MCAT: variants seen among roughly 807,000 people sequenced by gnomAD.
The protein encoded by MCAT is malonyl-CoA-acyl carrier protein transacylase.
MCAT carries 22 observed loss-of-function variants against 22.9 expected under a neutral mutation model. The ratio of observed to expected loss-of-function variants is 0.96; its 90% CI spans 0.69 to 1.37. The LOEUF (loss-of-function observed/expected upper bound fraction) is 1.37. Ranked by LOEUF, MCAT falls within the 40% of genes most tolerant of loss-of-function variation. The probability of loss-of-function intolerance (pLI) is 0.00; values close to 1 mark genes in which losing one functional copy is unlikely to be tolerated. For synonymous variants in MCAT, 240 were observed against 233.9 expected (o/e 1.03, Z -0.24); for missense variants, 534 against 533.6 (o/e 1.00, Z -0.01).
Position 43,137,314 on chromosome 22 carries a change from C to T in MCAT, c.512-16G>A, listed in dbSNP as rs751898598. On this transcript the variant is annotated splice_polypyrimidine_tract_variant and intron_variant, in intron 2 of 3. Coordinates refer to ENST00000290429, the MANE Select transcript of MCAT (RefSeq NM_173467.5). ...GCATACAAACCTGGCCAGAGAGAAG[C>T]GCATTTGGAAAAATGAGGGCACAGA... 1.2e-5 allele frequency: 20 copies of T among 1,605,644 alleles called. No individual in the cohort carries two copies. Among genetic ancestry groups the T allele is most frequent in the Middle Eastern group, 3.6e-4 (2 of 5,536 alleles).
chr22:43,134,585 C>G (rs1930550772), intron 3 of MCAT, among the ~76,000 whole-genome samples: 1 of 152,194 alleles, frequency 6.6e-6, no homozygotes, highest in South Asian at 2.1e-4. Context: ...AGTCATCCAC[C>G]TGCTTTAGTC....
Position 43,132,763 on chromosome 22 carries a change from C to G in MCAT, c.*280G>C. The G allele has an allele frequency of 2.2e-6, 1 of 451,620 alleles. No individual in the cohort carries two copies. The highest frequency in any genetic ancestry group is 4.1e-6 in the Non-Finnish European group (1 of 246,216). The allele number at this position is 451,620 out of a possible 1,614,324, so 28.0% of individuals were successfully genotyped here. On this transcript the variant is annotated 3_prime_UTR_variant, in exon 4 of 4. Transcript: ENST00000290429. The stretch of plus-strand genomic sequence containing the variant: ...TGGCACACCTGCCTATGGTGCAGGG[C>G]TGGCAGAGGCGGGGCCAGGATTCTA...
At chr22:43,140,346 G>C (rs990698097) in intron 2 of MCAT, among the ~76,000 whole-genome samples, 3 of 151,926 alleles carry the variant, frequency 2.0e-5, no homozygotes, top group African/African-American at 7.2e-5. Flanking sequence ...AGCTAATTTT[G>C]TGTATGTGTG....
chr22:43,137,790 G>A (rs1341216485), intron 2 of MCAT, among the ~76,000 whole-genome samples: 1 of 151,566 alleles, frequency 6.6e-6, no homozygotes, highest in East Asian at 1.9e-4. Context: ...AAAAGGTAAA[G>A]AGGAACAGGG....
intron 1 of MCAT, among the ~76,000 whole-genome samples, chr22:43,142,464 G>A (rs1930795509): frequency 6.6e-6 from 1 of 151,848 alleles, no homozygotes; most frequent in African/African-American, 2.4e-5. Context: ...TCCAGCCTGG[G>A]TGACAGAGCA....
intron 3 of MCAT, 61 bp from the exon 4 acceptor site, chr22:43,133,547 A>C (rs945392927): frequency 1.4e-6 from 2 of 1,385,250 alleles, no homozygotes; most frequent in African/African-American, 2.9e-5. Context: ...TACAGATCTG[A>C]CCATTCACAG....
intron 2 of MCAT, among the ~76,000 whole-genome samples, chr22:43,140,187 T>G (rs8136233): frequency 1.3e-4 from 20 of 152,076 alleles, no homozygotes; most frequent in Admixed American, 1.2e-3. Context: ...GATTCTTTTT[T>G]GTTTGTTTTG....
intron 2 of MCAT, chr22:43,140,792 G>A: frequency 1.1e-5 from 2 of 186,278 alleles, no homozygotes; most frequent in Non-Finnish European, 2.3e-5. Flanking sequence ...TTCCTGGCCA[G>A]CAAAAATCTT....
intron 1 of MCAT, among the ~76,000 whole-genome samples, chr22:43,142,184 G>A (rs1162478948): frequency 6.6e-6 from 1 of 152,200 alleles, no homozygotes; most frequent in Non-Finnish European, 1.5e-5. Context: ...AATATTAATA[G>A]CAATCAATCC....
At chr22:43,136,432 G>A (rs930400128) in intron 3 of MCAT, among the ~76,000 whole-genome samples, 7 of 152,308 alleles carry the variant, frequency 4.6e-5, no homozygotes, top group East Asian at 3.9e-4. Flanking sequence ...GGCTCCTGCC[G>A]CTCTGCTCAG....
intron 1 of MCAT, among the ~76,000 whole-genome samples, chr22:43,141,515 C>T (rs930538615): frequency 1.3e-5 from 2 of 152,180 alleles, no homozygotes; most frequent in African/African-American, 4.8e-5. Context: ...TCTGGATTCC[C>T]TTGCCATGGC....
intron 3 of MCAT, among the ~76,000 whole-genome samples, chr22:43,135,381 G>A (rs1235642865): frequency 6.6e-6 from 1 of 152,128 alleles, no homozygotes; most frequent in Non-Finnish European, 1.5e-5. Context: ...GCATGCACCT[G>A]TAGTCCCAGC....
intron 1 of MCAT, 108 bp downstream of exon 1, chr22:43,142,818 T>G: frequency 2.7e-6 from 3 of 1,103,984 alleles, no homozygotes; most frequent in South Asian, 2.1e-5. Flanking sequence ...CTCGATCGAA[T>G]GAGTAAGACG....
rs779496402 is a variant in MCAT at position 43,133,102 on chromosome 22, C to T, written c.1114G>A (p.Val372Met). The change falls in exon 4 of 4, where the codon GTG becomes ATG. Residue 372 changes from valine (V) to methionine (M), a missense_variant. By Grantham distance (21) the Val-to-Met change is conservative (BLOSUM62 1). Transcript: ENST00000290429. ...TGTTCGAGGGTCTGCAGCACATCCACGGCGCTGTAGGACTTCCAGGCCTGC... is the reference window on the plus strand; with the variant it reads ...TGTTCGAGGGTCTGCAGCACATCCATGGCGCTGTAGGACTTCCAGGCCTGC... ...NMQAWKSYSA[V>M]DVLQTLEHVD... The T allele has an allele frequency of 6.2e-6, 10 of 1,614,060 alleles. No individual in the cohort carries two copies. In the East Asian group the frequency reaches 1.6e-4, roughly 25 times the overall value.
At position 43,133,218 on chromosome 22, in the gene MCAT, A is replaced by C; in HGVS notation, c.998T>G (p.Ile333Arg). 1 of 1,614,180 alleles carries C rather than the reference A, an allele frequency of 6.2e-7. No homozygotes were observed. The highest frequency in any genetic ancestry group is 1.1e-5 in the South Asian group (1 of 91,088). Residue 333 changes from isoleucine to arginine, a missense_variant, in exon 4 of 4, where the codon ATA (isoleucine) becomes AGA (arginine). Physicochemically the swap from Ile to Arg is moderately conservative, Grantham distance 97. Transcript: ENST00000290429. ...CCCCCTGCCCTTTTTCCTTTCGTATATGGCATGCATCGTCTGCTCCCACTT... is the reference window on the plus strand; with the variant it reads ...CCCCCTGCCCTTTTTCCTTTCGTATCTGGCATGCATCGTCTGCTCCCACTT... ...PVKWEQTMHA[I>R]YERKKGRGFP... is the part of the protein sequence containing the mutation.
Position 43,143,207 on chromosome 22 carries a change from C to A in MCAT, c.142G>T (p.Glu48Ter). The A allele has an allele frequency of 6.5e-7, 1 of 1,531,182 alleles. No homozygotes were observed. Among genetic ancestry groups the A allele is most frequent in the Admixed American group, 2.0e-5 (1 of 51,008 alleles). The allele number at this position is 1,531,182 out of a possible 1,614,324, so 94.8% of individuals were successfully genotyped here. Residue 48 changes from glutamate to a stop codon, truncating the protein, a stop_gained, in exon 1 of 4, where the codon GAG (glutamate) becomes TAG (stop). Coordinates refer to ENST00000290429, the MANE Select transcript of MCAT (RefSeq NM_173467.5). LOFTEE classifies it high-confidence loss of function. The stretch of plus-strand genomic sequence containing the variant: ...CGCTCCGTCGCCGCCCAGGGCGCCT[C>A]CTCCTCCGCCCCGGTCGCATCTCGC... ...LLRDATGAEE[E>*]APWAATERRM...
chr22:43,141,273 G>T, intron 1 of MCAT, 24 bp from the exon 2 acceptor site: 1 of 1,593,788 alleles, frequency 6.3e-7, no homozygotes, highest in East Asian at 2.2e-5. Context: ...TGCAGAACGT[G>T]AGCCCTCACT....
At chr22:43,135,092 C>T (rs937828294) in intron 3 of MCAT, among the ~76,000 whole-genome samples, 1 of 152,226 alleles carries the variant, frequency 6.6e-6, no homozygotes, top group African/African-American at 2.4e-5. Flanking sequence ...GTCCTTGGCC[C>T]AGGCATTGGG....
chr22:43,137,034 C>T lies in MCAT; in HGVS notation c.729+47G>A, dbSNP rs368363600. ...CTCACGGGTGTGGAGCAGTTCCAACCCTCCGTACTGGACTGGCCTATGAAG... is the reference window on the plus strand; with the variant it reads ...CTCACGGGTGTGGAGCAGTTCCAACTCTCCGTACTGGACTGGCCTATGAAG... On this transcript the variant is annotated intron_variant, in intron 3 of 3. Transcript: ENST00000290429. 12 of 1,534,794 alleles carry T rather than the reference C, an allele frequency of 7.8e-6. No individual in the cohort carries two copies. The African/African-American group carries it at 1.5e-4, about 19-fold the overall frequency.
Sources: allele counts gnomAD v4.1 joint callset (sites outside exome capture counted in the v4.1 genomes callset), GRCh38; gene constraint gnomAD v4.1.1; transcripts MANE v1.5; gene names NCBI Gene and HGNC (gene_info 2026-07-23, HGNC 2026-07-21).